PRMT9: variants seen among roughly 807,000 people sequenced by gnomAD.
The protein encoded by PRMT9 is protein arginine N-methyltransferase 9.
Under a neutral mutation model 83.2 loss-of-function variants are expected in PRMT9, and 59 were observed. That is an observed-to-expected ratio of 0.71 (90% confidence interval 0.57 to 0.88). The LOEUF (loss-of-function observed/expected upper bound fraction) is 0.88, where lower values mean the gene tolerates loss of function less well. Ranked by LOEUF, PRMT9 falls within the 40% of genes least tolerant of loss-of-function variation. The pLI is 0.00. For synonymous variants in PRMT9, 333 were observed against 353.2 expected (o/e 0.94, Z 0.64); for missense variants, 947 against 1,021.9 (o/e 0.93, Z 1.00).
At chr4:147,670,979 G>C (rs550528102) in intron 4 of PRMT9, among the ~76,000 whole-genome samples, 77 of 151,902 alleles carry the variant, frequency 5.1e-4, no homozygotes, top group African/African-American at 1.8e-3. Flanking sequence ...GATGGAGGGT[G>C]GGGGGAGGTG....
At chr4:147,641,939 A>G (rs1418896240) in intron 10 of PRMT9, among the ~76,000 whole-genome samples, 3 of 152,204 alleles carry the variant, frequency 2.0e-5, no homozygotes, top group Non-Finnish European at 4.4e-5. Context: ...CCAGGACTAC[A>G]GGTGTGAGCC....
chr4:147,680,234 CT>C, intron 2 of PRMT9, 88 bp downstream of exon 2: 1 of 1,206,028 alleles, frequency 8.3e-7, no homozygotes, highest in Non-Finnish European at 1.2e-6. Flanking sequence ...CCATATTAAA[CT>C]TTCCCTGTTA....
chr4:147,648,044 G>A (rs977775811), intron 9 of PRMT9, among the ~76,000 whole-genome samples: 1 of 152,102 alleles, frequency 6.6e-6, no homozygotes, highest in African/African-American at 2.4e-5. Context: ...TATACATAGG[G>A]CAAATATGAT....
Position 147,651,632 on chromosome 4 carries a change from A to G in PRMT9, c.2045+2220T>C, listed in dbSNP as rs547131459. Among the ~76,000 whole-genome samples the G allele has an allele frequency of 1.6e-3, 243 of 152,372 alleles. 3 individuals are homozygous for G. Among genetic ancestry groups the G allele is most frequent in the African/African-American group, 5.5e-3 (230 of 41,602 alleles). On this transcript the variant is annotated intron_variant, in intron 9 of 11. Coordinates refer to ENST00000322396, the MANE Select transcript of PRMT9 (RefSeq NM_138364.4). ...CAAAAAGTGTATGAAAAGATGCTCA[A>G]CATCACTAATCATTAGTAAATCCTG...
chr4:147,674,964 C>T (rs996694260), intron 2 of PRMT9, among the ~76,000 whole-genome samples: 5 of 152,178 alleles, frequency 3.3e-5, no homozygotes, highest in African/African-American at 1.2e-4. Context: ...AAGCATTCTG[C>T]CAAGTTTAGA....
At chr4:147,675,981 G>A (rs931240387) in intron 2 of PRMT9, among the ~76,000 whole-genome samples, 11 of 152,074 alleles carry the variant, frequency 7.2e-5, no homozygotes, top group African/African-American at 2.4e-4. Flanking sequence ...TAAATGATAC[G>A]CTATTTTTGA....
intron 7 of PRMT9, among the ~76,000 whole-genome samples, chr4:147,658,272 T>A (rs553753024): frequency 6.6e-6 from 1 of 151,984 alleles, no homozygotes; most frequent in African/African-American, 2.4e-5. Context: ...CAGTGGAGAT[T>A]GTTTTGTTTA....
chr4:147,645,872 G>T (rs1449322971), intron 9 of PRMT9, among the ~76,000 whole-genome samples: 1 of 152,082 alleles, frequency 6.6e-6, no homozygotes, highest in Non-Finnish European at 1.5e-5. Context: ...TCCTGAACCA[G>T]GATAATCTCT....
At chr4:147,644,539 T>TAAAA (rs35094215) in intron 9 of PRMT9, among the ~76,000 whole-genome samples, 28 of 111,858 alleles carry the variant, frequency 2.5e-4, no homozygotes, top group Admixed American at 7.0e-4. Flanking sequence ...TGCTTATGGT[T>TAAAA]AAAAAAAAAA....
intron 4 of PRMT9, among the ~76,000 whole-genome samples, chr4:147,672,301 G>C (rs759573604): frequency 5.7e-4 from 87 of 152,268 alleles, no homozygotes; most frequent in Non-Finnish European, 6.8e-4. Flanking sequence ...AATACAAACT[G>C]AATTGAAGTA....
At chr4:147,680,935 C>T (rs932451292) in intron 1 of PRMT9, among the ~76,000 whole-genome samples, 1 of 152,230 alleles carries the variant, frequency 6.6e-6, no homozygotes, top group Non-Finnish European at 1.5e-5. Context: ...CATTTCAACC[C>T]GGCAATGGAT....
At chr4:147,678,779 C>T (rs920147473) in intron 2 of PRMT9, among the ~76,000 whole-genome samples, 9 of 152,204 alleles carry the variant, frequency 5.9e-5, no homozygotes, top group African/African-American at 1.9e-4. Flanking sequence ...CAACATTTCA[C>T]GTGTACTGTC....
chr4:147,677,082 G>A (rs1295780847), intron 2 of PRMT9, among the ~76,000 whole-genome samples: 2 of 151,106 alleles, frequency 1.3e-5, no homozygotes, highest in Admixed American at 6.6e-5. Context: ...ACCAAATAAG[G>A]AAAAGAATGA....
Position 147,654,538 on chromosome 4 carries a change from C to G in PRMT9, c.1359G>C (p.Val453=), listed in dbSNP as rs1277228242. 6.2e-7 allele frequency: 1 copy of G among 1,613,142 alleles called. No individual in the cohort carries two copies. Among genetic ancestry groups the G allele is most frequent in the Non-Finnish European group, 8.5e-7 (1 of 1,179,486 alleles). Residue 453 remains valine, a synonymous_variant, in exon 9 of 12, where the codon GTG becomes GTC. Coordinates refer to ENST00000322396, the MANE Select transcript of PRMT9 (RefSeq NM_138364.4). ...AGTCTTGACAAGATACTTCCATCAT[C>G]ACATGGTCTCCAGGCTTTATCCAGT... ...ADYWIKPGDH[V]MMEVSCQDCY... is the part of the protein sequence containing the mutation.
intron 5 of PRMT9, among the ~76,000 whole-genome samples, 161 bp from the exon 6 acceptor site, chr4:147,668,806 G>T (rs543233480): frequency 4.1e-4 from 62 of 152,174 alleles, no homozygotes; most frequent in African/African-American, 1.4e-3. Context: ...ATATTTTTGG[G>T]CTGGGCACTG....
intron 1 of PRMT9, among the ~76,000 whole-genome samples, chr4:147,681,577 A>T (rs1479640610): frequency 2.0e-5 from 3 of 152,168 alleles, no homozygotes; most frequent in Non-Finnish European, 4.4e-5. Flanking sequence ...ACCTGAGGTC[A>T]GGAGTTGAAG....
chr4:147,669,425 TA>T (rs1410190747), intron 5 of PRMT9, among the ~76,000 whole-genome samples: 5 of 151,682 alleles, frequency 3.3e-5, no homozygotes. Flanking sequence ...TGAATATATA[TA>T]TTTTTTTCTC....
At chr4:147,658,881 T>C (rs1158505951) in intron 7 of PRMT9, among the ~76,000 whole-genome samples, 2 of 151,876 alleles carry the variant, frequency 1.3e-5, no homozygotes, top group Admixed American at 1.3e-4. Flanking sequence ...GGTGGATCAT[T>C]GAGGTCAAGA....
intron 6 of PRMT9, among the ~76,000 whole-genome samples, chr4:147,665,306 T>C (rs1005151572): frequency 1.3e-5 from 2 of 152,160 alleles, no homozygotes; most frequent in Non-Finnish European, 2.9e-5. Flanking sequence ...TTCTGCCTCA[T>C]TTTTTCTATA....
Sources: gnomAD v4.1 joint callset for allele counts (sites outside exome capture counted in the v4.1 genomes callset) on GRCh38, gnomAD v4.1.1 for gene constraint, MANE v1.5 for transcripts, NCBI Gene and HGNC (gene_info 2026-07-23, HGNC 2026-07-21) for gene names.